Variants in SOX5 observed in about 807,000 individuals in gnomAD.
The protein encoded by SOX5 is SRY-box transcription factor 5.
In SOX5, 9 loss-of-function variants were observed where a neutral mutation model predicts 92.0. That is an observed-to-expected ratio of 0.10 (90% CI 0.06 to 0.17). The LOEUF (loss-of-function observed/expected upper bound fraction) is 0.17. Among genes scored for constraint, SOX5 ranks in the 10% least tolerant of loss-of-function variants. SOX5 has a pLI of 1.00. For missense variants in SOX5, 642 were observed against 944.5 expected, an observed-to-expected ratio of 0.68 and a Z score of 4.20; for synonymous variants, 344 against 336.3, an observed-to-expected ratio of 1.02 and a Z score of -0.25.
At chr12:23,826,278 G>C (rs2096232766) in intron 3 of SOX5, among the ~76,000 whole-genome samples, 1 of 150,064 alleles carries the variant, frequency 6.7e-6, no homozygotes, top group African/African-American at 2.5e-5. Flanking sequence ...TGTGGTGTTT[G>C]GGTTTTTTTG....
intron 4 of SOX5, among the ~76,000 whole-genome samples, chr12:24,085,953 T>A (rs1026954349): frequency 7.5e-6 from 1 of 132,546 alleles, no homozygotes; most frequent in African/African-American, 2.6e-5. Context: ...AGAACGGATA[T>A]GCTAAAAAAA....
At chr12:23,966,203 C>CAAA (rs869143890) in intron 4 of SOX5, among the ~76,000 whole-genome samples, 8 of 57,310 alleles carry the variant, frequency 1.4e-4, no homozygotes, top group African/African-American at 3.9e-4. Flanking sequence ...ACTCAATATC[C>CAAA]AAAAAAAAAA....
intron 1 of SOX5, among the ~76,000 whole-genome samples, chr12:24,448,093 A>G (rs1386599619): frequency 6.6e-6 from 1 of 152,124 alleles, no homozygotes; most frequent in Non-Finnish European, 1.5e-5. Flanking sequence ...AAGACAGGAG[A>G]ATTGCTTGAA....
chr12:24,238,138 C>T (rs564791721), intron 3 of SOX5, among the ~76,000 whole-genome samples: 2 of 152,212 alleles, frequency 1.3e-5, no homozygotes, highest in South Asian at 2.1e-4. Context: ...AATAAAGGGC[C>T]ATGACACAAC....
At chr12:23,915,372 T>C (rs1440843253) in intron 1 of SOX5, among the ~76,000 whole-genome samples, 2 of 152,124 alleles carry the variant, frequency 1.3e-5, no homozygotes, top group Non-Finnish European at 2.9e-5. Context: ...ACTTGGACCT[T>C]TGAAAAGGAG....
chr12:24,143,903 G>A (rs1399022590), intron 4 of SOX5, among the ~76,000 whole-genome samples: 2 of 151,354 alleles, frequency 1.3e-5, no homozygotes, highest in East Asian at 3.9e-4. Flanking sequence ...GGAGGAGGAG[G>A]AGAAATAATA....
chr12:23,730,705 C>T (rs1011918532), intron 6 of SOX5, among the ~76,000 whole-genome samples: 2 of 152,100 alleles, frequency 1.3e-5, no homozygotes, highest in Admixed American at 6.6e-5. Flanking sequence ...TGATCCTAAG[C>T]AATTAAATAA....
chr12:23,926,080 T>A (rs1027228491), intron 1 of SOX5, among the ~76,000 whole-genome samples: 2 of 152,064 alleles, frequency 1.3e-5, no homozygotes, highest in South Asian at 2.1e-4. Flanking sequence ...GACACTGGGA[T>A]GGCTTGGTAT....
chr12:24,115,391 T>G (rs766041267), intron 4 of SOX5, among the ~76,000 whole-genome samples: 5 of 152,252 alleles, frequency 3.3e-5, no homozygotes, highest in Non-Finnish European at 7.3e-5. Context: ...GAAATCATTT[T>G]GACACATAAA....
intron 3 of SOX5, among the ~76,000 whole-genome samples, chr12:23,834,897 CA>C (rs982831759): frequency 6.6e-6 from 1 of 151,694 alleles, no homozygotes; most frequent in Non-Finnish European, 1.5e-5. Context: ...CTGAAGGTGA[CA>C]AAGACATGAA....
chr12:24,097,364 T>G (rs1312214897), intron 4 of SOX5, among the ~76,000 whole-genome samples: 1 of 152,048 alleles, frequency 6.6e-6, no homozygotes, highest in Non-Finnish European at 1.5e-5. Context: ...ATAAACATTT[T>G]GTTTTTTTAT....
chr12:23,650,750 A>C (rs573683117), intron 7 of SOX5, among the ~76,000 whole-genome samples: 1 of 152,260 alleles, frequency 6.6e-6, no homozygotes, highest in South Asian at 2.1e-4. Context: ...CAGCTAAAGA[A>C]GCAAGTAGAG....
intron 3 of SOX5, among the ~76,000 whole-genome samples, chr12:23,838,934 G>T (rs1470067218): frequency 6.6e-6 from 1 of 151,280 alleles, no homozygotes; most frequent in Non-Finnish European, 1.5e-5. Context: ...CCACCTCCGG[G>T]GTTCAAGCGA....
intron 4 of SOX5, among the ~76,000 whole-genome samples, chr12:23,743,604 A>C (rs117632798): frequency 1.3e-5 from 2 of 151,942 alleles, no homozygotes; most frequent in African/African-American, 2.4e-5. Flanking sequence ...TATTTAGAAA[A>C]TTTTTCCACA....
chr12:23,591,363 A>T (rs1162839416), intron 9 of SOX5, among the ~76,000 whole-genome samples: 1 of 152,152 alleles, frequency 6.6e-6, no homozygotes, highest in Non-Finnish European at 1.5e-5. Flanking sequence ...ATTAGGGGCC[A>T]GCTACTTAAA....
chr12:24,366,201 A>G (rs491109), intron 2 of SOX5, among the ~76,000 whole-genome samples: 100,409 of 151,954 alleles, frequency 0.66, 33,650 homozygotes, highest in African/African-American at 0.77. Context: ...TTTTCTGGCA[A>G]CAATCCATTC....
chr12:23,904,430 A>C (rs1266962182), intron 1 of SOX5, among the ~76,000 whole-genome samples: 4 of 152,190 alleles, frequency 2.6e-5, no homozygotes, highest in Non-Finnish European at 4.4e-5. Flanking sequence ...ATTTCAAAGA[A>C]ATATAGAAAA....
intron 2 of SOX5, among the ~76,000 whole-genome samples, chr12:24,365,996 T>C (rs1199400740): frequency 6.6e-6 from 1 of 152,156 alleles, no homozygotes; most frequent in Non-Finnish European, 1.5e-5. Flanking sequence ...TTTGCCTCTT[T>C]ATTCAGGAAA....
chr12:24,096,006 T>C (rs1049329748), intron 4 of SOX5, among the ~76,000 whole-genome samples: 5 of 152,190 alleles, frequency 3.3e-5, no homozygotes, highest in Non-Finnish European at 7.4e-5. Context: ...AATACAAACC[T>C]CTTACCCTAA....
Sources: allele counts gnomAD v4.1 joint callset (sites outside exome capture counted in the v4.1 genomes callset), GRCh38; gene constraint gnomAD v4.1.1; transcripts MANE v1.5; gene names NCBI Gene and HGNC (gene_info 2026-07-23, HGNC 2026-07-21).